The following DEPTOR variants were observed in gnomAD, a reference collection of about 807,000 sequenced individuals.
DEPTOR encodes DEP domain containing MTOR interacting protein.
In DEPTOR, 41 loss-of-function variants were observed where a neutral mutation model predicts 41.6. That is an observed-to-expected ratio of 0.98 (90% confidence interval 0.77 to 1.28). The LOEUF is 1.28. DEPTOR is among the 50% of genes most tolerant of loss of function. The pLI, the probability that DEPTOR is intolerant of heterozygous loss-of-function variation, is 0.00. For missense variants in DEPTOR, 514 were observed against 527.9 expected, an observed-to-expected ratio of 0.97 and a Z score of 0.26; for synonymous variants, 195 against 192.3, an observed-to-expected ratio of 1.01 and a Z score of -0.12.
intron 1 of DEPTOR, among the ~76,000 whole-genome samples, chr8:119,905,063 C>T (rs1046983093): frequency 2.0e-5 from 3 of 147,772 alleles, no homozygotes; most frequent in Admixed American, 7.1e-5. Flanking sequence ...CTGCCTTGGC[C>T]TCCCAAAGTG....
intron 3 of DEPTOR, among the ~76,000 whole-genome samples, chr8:119,931,687 ACT>A (rs1339735363): frequency 6.6e-6 from 1 of 151,972 alleles, no homozygotes; most frequent in Non-Finnish European, 1.5e-5. Flanking sequence ...AAATGGAGAA[ACT>A]CTCTCATCTT....
chr8:119,905,862 C>T (rs558841946), intron 1 of DEPTOR, among the ~76,000 whole-genome samples: 7 of 152,154 alleles, frequency 4.6e-5, no homozygotes, highest in South Asian at 2.1e-4. Flanking sequence ...AGGGTGGTCT[C>T]GAACTCCTCA....
At chr8:119,965,893 T>G (rs957292002) in intron 4 of DEPTOR, among the ~76,000 whole-genome samples, 8 of 152,196 alleles carry the variant, frequency 5.3e-5, no homozygotes, top group Non-Finnish European at 1.5e-5. Context: ...AAAGTATCAC[T>G]TTCCGTTTAG....
rs543544980 is a variant in DEPTOR, at chr8:120,011,074, G to A, written c.1101+1941G>A. Among the ~76,000 whole-genome samples the A allele has an allele frequency of 7.9e-5, 12 of 152,294 alleles. No homozygotes were observed. The South Asian group carries it at 2.5e-3, about 32-fold the overall frequency. On this transcript the variant is annotated intron_variant, in intron 8 of 8. Transcript: ENST00000286234. Reference sequence around the variant, plus strand: ...CTTCCATCAGTCTTTTCCTAGAGTAGCAATAAGCATGATTGGGATCGCCAC... The same window carrying A: ...CTTCCATCAGTCTTTTCCTAGAGTAACAATAAGCATGATTGGGATCGCCAC...
intron 7 of DEPTOR, among the ~76,000 whole-genome samples, chr8:120,007,983 A>G (rs1812470566): frequency 6.6e-6 from 1 of 152,190 alleles, no homozygotes; most frequent in Non-Finnish European, 1.5e-5. Context: ...TTAAATGCCA[A>G]CATTGTTAGT....
At chr8:119,919,306 G>T (rs1216237706) in intron 1 of DEPTOR, among the ~76,000 whole-genome samples, 1 of 152,090 alleles carries the variant, frequency 6.6e-6, no homozygotes, top group Non-Finnish European at 1.5e-5. Context: ...TGCACAGTAG[G>T]TAGAAACATA....
intron 8 of DEPTOR, among the ~76,000 whole-genome samples, chr8:120,014,580 T>G (rs1812581868): frequency 1.3e-5 from 2 of 151,858 alleles, no homozygotes; most frequent in Non-Finnish European, 2.9e-5. Flanking sequence ...CAAGCTGGAG[T>G]GCAGTGGTAC....
intron 3 of DEPTOR, among the ~76,000 whole-genome samples, chr8:119,932,415 G>A (rs201688512): frequency 7.6e-6 from 1 of 131,502 alleles, no homozygotes; most frequent in Non-Finnish European, 1.7e-5. Flanking sequence ...TGGCAAGACA[G>A]TAAGAAGAGT....
chr8:119,974,001 C>T (rs934094092), intron 4 of DEPTOR, among the ~76,000 whole-genome samples: 3 of 151,856 alleles, frequency 2.0e-5, no homozygotes, highest in African/African-American at 4.8e-5. Context: ...AAATTAACTG[C>T]ATCTCTCCAA....
In DEPTOR at chr8:119,948,142, C is replaced by A. The variant is rs971698400; in HGVS notation, c.426-17090C>A. Among the ~76,000 whole-genome samples, 20 of 152,158 alleles carry A rather than the reference C, an allele frequency of 1.3e-4. 1 individual carries two copies. The highest frequency in any genetic ancestry group is 4.6e-4 in the African/African-American group (19 of 41,428). ...TACCTCTGTTACAGCATTTATCTGT[C>A]TTGCACATAGGTTTTTTAACATTTG... On this transcript the variant is annotated intron_variant, in intron 3 of 8. Coordinates refer to ENST00000286234, the MANE Select transcript of DEPTOR (RefSeq NM_022783.4).
intron 4 of DEPTOR, among the ~76,000 whole-genome samples, chr8:119,989,614 A>T (rs1476163440): frequency 6.6e-6 from 1 of 151,860 alleles, no homozygotes. Flanking sequence ...GGAATATAAT[A>T]TATATGGGAA....
At chr8:120,016,916 A>G (rs994084817) in intron 8 of DEPTOR, among the ~76,000 whole-genome samples, 11 of 152,258 alleles carry the variant, frequency 7.2e-5, no homozygotes, top group Non-Finnish European at 1.0e-4. Flanking sequence ...CCCAACCTCA[A>G]TGTATGAATT....
chr8:119,948,303 T>C (rs1034231359), intron 3 of DEPTOR, among the ~76,000 whole-genome samples: 6 of 152,142 alleles, frequency 3.9e-5, no homozygotes, highest in Non-Finnish European at 7.4e-5. Flanking sequence ...ATCCCGCTCC[T>C]TGGGAGGCTG....
At chr8:119,971,137 G>A (rs1027543637) in intron 4 of DEPTOR, among the ~76,000 whole-genome samples, 1 of 151,646 alleles carries the variant, frequency 6.6e-6, no homozygotes, top group Non-Finnish European at 1.5e-5. Flanking sequence ...GGAGGCTGAG[G>A]CAGGATGATG....
At chr8:119,988,958 C>CTT (rs71571643) in intron 4 of DEPTOR, among the ~76,000 whole-genome samples, 28,568 of 92,866 alleles carry the variant, frequency 0.31, 4,617 homozygotes, top group East Asian at 0.42. Context: ...TTTTTTTTTT[C>CTT]TTTTTTTTTT....
intron 3 of DEPTOR, among the ~76,000 whole-genome samples, chr8:119,948,869 C>G (rs1314410682): frequency 6.6e-6 from 1 of 152,046 alleles, no homozygotes; most frequent in African/African-American, 2.4e-5. Flanking sequence ...TTCACTGCAA[C>G]CTCCACCTCC....
intron 4 of DEPTOR, among the ~76,000 whole-genome samples, chr8:119,976,853 C>T (rs1311390188): frequency 6.6e-6 from 1 of 152,076 alleles, no homozygotes; most frequent in Non-Finnish European, 1.5e-5. Flanking sequence ...TTCCACCCTC[C>T]CCCCGCACAC....
chr8:120,002,943 C>A (rs897332960), intron 5 of DEPTOR, 34 bp from the exon 6 acceptor site: 1 of 1,547,820 alleles, frequency 6.5e-7, no homozygotes, highest in Non-Finnish European at 8.7e-7. Context: ...AGACCACCCC[C>A]TTGGTGACTG....
At chr8:119,987,134 CT>C (rs1047143985) in intron 4 of DEPTOR, among the ~76,000 whole-genome samples, 12 of 152,076 alleles carry the variant, frequency 7.9e-5, no homozygotes, top group Admixed American at 1.3e-4. Context: ...AATTTTCAGT[CT>C]TTTTGTGCTG....
Sources: gnomAD v4.1 joint callset for allele counts (sites outside exome capture counted in the v4.1 genomes callset) on GRCh38, gnomAD v4.1.1 for gene constraint, MANE v1.5 for transcripts, NCBI Gene and HGNC (gene_info 2026-07-23, HGNC 2026-07-21) for gene names.